Variants in FAT3 observed in about 807,000 individuals in gnomAD.
FAT3 encodes the protein FAT atypical cadherin 3.
Under a neutral mutation model 310.2 loss-of-function variants are expected in FAT3, and 95 were observed. The ratio of observed to expected loss-of-function variants is 0.31; its 90% CI spans 0.26 to 0.36. The LOEUF (loss-of-function observed/expected upper bound fraction) is 0.36, where lower values mean the gene tolerates loss of function less well. Among genes scored for constraint, FAT3 ranks in the 10% least tolerant of loss-of-function variants. The pLI, the probability that FAT3 is intolerant of heterozygous loss-of-function variation, is 1.00. For missense variants in FAT3, 5,408 were observed against 5,715.6 expected, an observed-to-expected ratio of 0.95 and a Z score of 1.74; for synonymous variants, 2,314 against 2,192.9, an observed-to-expected ratio of 1.06 and a Z score of -1.54.
intron 2 of FAT3, among the ~76,000 whole-genome samples, chr11:92,382,971 T>G (rs1013392336): frequency 6.6e-6 from 1 of 152,194 alleles, no homozygotes; most frequent in Non-Finnish European, 1.5e-5. Context: ...TCGCTATTCT[T>G]CCCGATGCTC....
intron 18 of FAT3, among the ~76,000 whole-genome samples, chr11:92,842,178 T>C (rs1423488874): frequency 1.3e-5 from 2 of 152,238 alleles, no homozygotes; most frequent in Non-Finnish European, 2.9e-5. Context: ...CAGAAAATGA[T>C]TGCTGATCAC....
At chr11:92,650,816 T>C (rs1942348775) in intron 3 of FAT3, among the ~76,000 whole-genome samples, 1 of 152,214 alleles carries the variant, frequency 6.6e-6, no homozygotes, top group African/African-American at 2.4e-5. Flanking sequence ...GGGGTTAATA[T>C]GAAAATACTT....
At chr11:92,370,788 G>A (rs767413523) in intron 2 of FAT3, among the ~76,000 whole-genome samples, 24 of 152,272 alleles carry the variant, frequency 1.6e-4, no homozygotes, top group Non-Finnish European at 2.9e-4. Flanking sequence ...TACTGTAGGT[G>A]CTCAAGGGTG....
chr11:92,567,934 T>C (rs1184043755), intron 3 of FAT3, among the ~76,000 whole-genome samples: 1 of 151,834 alleles, frequency 6.6e-6, no homozygotes, highest in Non-Finnish European at 1.5e-5. Flanking sequence ...GAGATACACC[T>C]AATGCTAGAT....
At chr11:92,580,430 C>T (rs1938726739) in intron 3 of FAT3, among the ~76,000 whole-genome samples, 1 of 152,064 alleles carries the variant, frequency 6.6e-6, no homozygotes, top group South Asian at 2.1e-4. Flanking sequence ...AAATCTTTCT[C>T]CAATCCTTTC....
At chr11:92,273,511 G>A (rs770311729) in intron 1 of FAT3, among the ~76,000 whole-genome samples, 6 of 152,204 alleles carry the variant, frequency 3.9e-5, no homozygotes, top group Non-Finnish European at 8.8e-5. Flanking sequence ...TGGTGATATC[G>A]ATCTGGTAAT....
At chr11:92,337,337 A>C (rs891753364) in intron 1 of FAT3, among the ~76,000 whole-genome samples, 10 of 152,210 alleles carry the variant, frequency 6.6e-5, no homozygotes, top group Non-Finnish European at 1.3e-4. Context: ...TCTTTCTCCC[A>C]AAAACATAAA....
chr11:92,377,211 A>G (rs1208551447), intron 2 of FAT3, among the ~76,000 whole-genome samples: 3 of 152,234 alleles, frequency 2.0e-5, no homozygotes, highest in African/African-American at 7.2e-5. Flanking sequence ...CATATAATGG[A>G]CGTATAATGG....
chr11:92,576,635 G>A (rs1938500341), intron 3 of FAT3, among the ~76,000 whole-genome samples: 1 of 152,120 alleles, frequency 6.6e-6, no homozygotes. Flanking sequence ...TCCTCTGACA[G>A]CCAGCAGTAA....
chr11:92,464,986 A>G (rs1951725333), intron 2 of FAT3, among the ~76,000 whole-genome samples: 1 of 152,134 alleles, frequency 6.6e-6, no homozygotes, highest in Non-Finnish European at 1.5e-5. Context: ...TACTATACAT[A>G]ATGCTTTCTT....
At chr11:92,565,180 C>A (rs1273831332) in intron 3 of FAT3, among the ~76,000 whole-genome samples, 1 of 147,468 alleles carries the variant, frequency 6.8e-6, no homozygotes, top group African/African-American at 2.5e-5. Context: ...ATCAAATAGA[C>A]ACAATAAAAA....
In FAT3 at chr11:92,844,462, C is replaced by T. The variant is rs773329391; in HGVS notation, c.11095C>T (p.Leu3699=). The T allele has an allele frequency of 6.2e-7, 1 of 1,614,000 alleles. No individual in the cohort carries two copies. The highest frequency in any genetic ancestry group is 1.6e-4 in the Middle Eastern group (1 of 6,062). Residue 3699 remains leucine, a synonymous_variant, in exon 19 of 28, where the codon CTG becomes TTG. Transcript: ENST00000525166. ...SIQPVAGTNQ[L]DMLFAVEMHS... ...CCAGCCCGTGGCAGGCACCAACCAA[C>T]TGGACATGCTGTTTGCGGTGGAGAT...
At position 92,354,289 on chromosome 11, in the gene FAT3, A is replaced by G; in HGVS notation, c.2177A>G (p.Asp726Gly). The G allele has an allele frequency of 6.2e-7, 1 of 1,613,762 alleles. No homozygotes were observed. Among genetic ancestry groups the G allele is most frequent in the Non-Finnish European group, 8.5e-7 (1 of 1,179,842 alleles). Residue 726 changes from aspartate to glycine, a missense_variant, in exon 2 of 28, where the codon GAC becomes GGC. By Grantham distance (94) the Asp-to-Gly change is moderately conservative (BLOSUM62 -1). Coordinates refer to ENST00000525166, the MANE Select transcript of FAT3 (RefSeq NM_001367949.2). ...ATTAATAGACAGGGACCATATTTTG[A>G]CAAGTCTTTTCCTTCTGATGTGGCT... is the stretch of plus-strand genomic sequence containing the variant. Reference protein sequence around the residue: ...YSINRQGPYFDKSFPSDVAVK... With the variant: ...YSINRQGPYFGKSFPSDVAVK...
chr11:92,407,043 A>C (rs556539562), intron 2 of FAT3, among the ~76,000 whole-genome samples: 3 of 152,318 alleles, frequency 2.0e-5, no homozygotes, highest in African/African-American at 7.2e-5. Context: ...ATGAGAGGCT[A>C]AACTTGTTTT....
intron 2 of FAT3, among the ~76,000 whole-genome samples, chr11:92,478,962 C>CTTTCTTTCTTTCTTTCTTTCTTTCTTTA (rs1952135146): frequency 1.6e-5 from 1 of 63,308 alleles, no homozygotes. Flanking sequence ...CTTTTCTTTT[C>CTTTCTTTCTTTCTTTCTTTCTTTCTTTA]TTTTCTTTTC....
chr11:92,478,824 A>G (rs1260184519), intron 2 of FAT3, among the ~76,000 whole-genome samples: 1 of 151,934 alleles, frequency 6.6e-6, no homozygotes, highest in Non-Finnish European at 1.5e-5. Flanking sequence ...GGGTTTCACC[A>G]TGTTGGCCAG....
intron 2 of FAT3, among the ~76,000 whole-genome samples, chr11:92,490,162 T>C (rs1231070482): frequency 6.6e-6 from 1 of 152,158 alleles, no homozygotes; most frequent in Non-Finnish European, 1.5e-5. Flanking sequence ...GAAATAGCTC[T>C]TTTTTATGTC....
chr11:92,486,596 C>T (rs2511000), intron 2 of FAT3, among the ~76,000 whole-genome samples: 54,648 of 151,824 alleles, frequency 0.36, 10,879 homozygotes, highest in Middle Eastern at 0.53. Flanking sequence ...TCTCTTAGAC[C>T]TGCCCAAATG....
At chr11:92,773,529 T>C (rs774440853) in intron 6 of FAT3, among the ~76,000 whole-genome samples, 28 of 152,238 alleles carry the variant, frequency 1.8e-4, no homozygotes, top group Non-Finnish European at 4.0e-4. Flanking sequence ...TTTTACTGTT[T>C]AGAATTCATA....
Sources: allele counts gnomAD v4.1 joint callset (sites outside exome capture counted in the v4.1 genomes callset), GRCh38; gene constraint gnomAD v4.1.1; transcripts MANE v1.5; gene names NCBI Gene and HGNC (gene_info 2026-07-23, HGNC 2026-07-21).